COL19A1: variants seen among roughly 807,000 people sequenced by gnomAD.
COL19A1 encodes collagen alpha-1(XIX) chain.
Under a neutral mutation model 190.2 loss-of-function variants are expected in COL19A1, and 159 were observed. The ratio of observed to expected loss-of-function variants is 0.84; its 90% CI spans 0.73 to 0.95. The LOEUF (loss-of-function observed/expected upper bound fraction) is 0.95. Among genes scored for constraint, COL19A1 ranks in the 40% least tolerant of loss-of-function variants. The pLI is 0.00. For missense variants in COL19A1, 1,418 were observed against 1,431.9 expected, an observed-to-expected ratio of 0.99 and a Z score of 0.16; for synonymous variants, 509 against 458.9, an observed-to-expected ratio of 1.11 and a Z score of -1.39.
At chr6:70,124,795 AT>A (rs1785095829) in intron 17 of COL19A1, among the ~76,000 whole-genome samples, 2 of 152,192 alleles carry the variant, frequency 1.3e-5, no homozygotes, top group Admixed American at 1.3e-4. Flanking sequence ...ATGATGCACT[AT>A]AACCATTTAG....
intron 16 of COL19A1, among the ~76,000 whole-genome samples, chr6:70,107,005 A>G (rs1582926651): frequency 1.3e-5 from 2 of 152,206 alleles, no homozygotes; most frequent in East Asian, 3.9e-4. Flanking sequence ...TAAGTACTGT[A>G]TTTCCAGTGT....
At chr6:70,127,906 G>T (rs1396708510) in intron 17 of COL19A1, among the ~76,000 whole-genome samples, 2 of 152,282 alleles carry the variant, frequency 1.3e-5, no homozygotes, top group East Asian at 3.9e-4. Context: ...GTGGTATTGA[G>T]AATGACACTC....
chr6:70,136,637 A>G (rs1193497004), intron 18 of COL19A1, among the ~76,000 whole-genome samples: 1 of 152,198 alleles, frequency 6.6e-6, no homozygotes, highest in Non-Finnish European at 1.5e-5. Flanking sequence ...TATAAACTGA[A>G]AATATAAATA....
chr6:70,008,163 G>A (rs994240271), intron 11 of COL19A1, among the ~76,000 whole-genome samples: 5 of 151,596 alleles, frequency 3.3e-5, no homozygotes, highest in Admixed American at 6.6e-5. Flanking sequence ...GTATGTAGAA[G>A]GCAGGAACAA....
chr6:70,106,106 G>A (rs1232675336), intron 16 of COL19A1, among the ~76,000 whole-genome samples: 1 of 152,092 alleles, frequency 6.6e-6, no homozygotes, highest in African/African-American at 2.4e-5. Flanking sequence ...ACATAGTGTT[G>A]TTATTCGGGG....
intron 15 of COL19A1, among the ~76,000 whole-genome samples, chr6:70,099,950 C>T (rs997338002): frequency 3.9e-5 from 6 of 152,194 alleles, no homozygotes; most frequent in Admixed American, 3.9e-4. Flanking sequence ...CTCACCATAT[C>T]CTGAATCTTG....
chr6:69,937,031 T>C, intron 8 of COL19A1, 121 bp downstream of exon 8: 6 of 1,311,160 alleles, frequency 4.6e-6, no homozygotes, highest in Non-Finnish European at 5.2e-6. Context: ...AGTAAATACC[T>C]CAGTTACTGG....
chr6:69,938,531 T>C (rs569692086), intron 9 of COL19A1, among the ~76,000 whole-genome samples: 6 of 152,114 alleles, frequency 3.9e-5, no homozygotes, highest in Non-Finnish European at 8.8e-5. Context: ...TTGAATACTT[T>C]CTGTGTATGA....
At chr6:70,080,877 T>A (rs1782206134) in intron 15 of COL19A1, among the ~76,000 whole-genome samples, 1 of 152,234 alleles carries the variant, frequency 6.6e-6, no homozygotes, top group Non-Finnish European at 1.5e-5. Flanking sequence ...TATACTCTAC[T>A]GGTAACTTAC....
At chr6:70,004,856 G>A (rs9354903) in intron 11 of COL19A1, among the ~76,000 whole-genome samples, 4 of 148,838 alleles carry the variant, frequency 2.7e-5, no homozygotes, top group African/African-American at 1.0e-4. Context: ...TTTTGACGGA[G>A]TCTTGCTCTG....
At chr6:69,962,277 T>C (rs1366465405) in intron 10 of COL19A1, among the ~76,000 whole-genome samples, 1 of 152,160 alleles carries the variant, frequency 6.6e-6, no homozygotes, top group African/African-American at 2.4e-5. Context: ...CCACCAATCT[T>C]CTTTCTGTGA....
At chr6:70,025,156 G>A (rs1039990009) in intron 12 of COL19A1, among the ~76,000 whole-genome samples, 6 of 151,428 alleles carry the variant, frequency 4.0e-5, no homozygotes, top group Admixed American at 1.3e-4. Context: ...TCAGCCTTCC[G>A]AGTAGCTGGG....
At chr6:69,942,265 AT>A (rs1251901687) in intron 9 of COL19A1, among the ~76,000 whole-genome samples, 1 of 152,174 alleles carries the variant, frequency 6.6e-6, no homozygotes, top group East Asian at 1.9e-4. Flanking sequence ...AATTATACGT[AT>A]TTATGGAGTA....
chr6:70,104,428 C>G lies in COL19A1; in HGVS notation c.1278+2206C>G, dbSNP rs113147374. ...AGCGGGAAGTGCACTTTTAAGCAACCTAATCTCGTGAGAACTCACTCACAA... is the reference window on the plus strand; with the variant it reads ...AGCGGGAAGTGCACTTTTAAGCAACGTAATCTCGTGAGAACTCACTCACAA... On this transcript the variant is annotated intron_variant, in intron 16 of 50. Transcript: ENST00000620364. Among the ~76,000 whole-genome samples the G allele has an allele frequency of 1.5e-3, 221 of 152,184 alleles. 3 individuals carry two copies. Among genetic ancestry groups the G allele is most frequent in the African/African-American group, 5.2e-3 (214 of 41,530 alleles).
At position 70,156,245 on chromosome 6, in the gene COL19A1, C is replaced by A; in HGVS notation, c.2184+14C>A. The A allele has an allele frequency of 6.2e-7, 1 of 1,613,086 alleles. No individual in the cohort carries two copies. The highest frequency in any genetic ancestry group is 8.5e-7 in the Non-Finnish European group (1 of 1,179,414). On this transcript the variant is annotated intron_variant, in intron 32 of 50. Transcript: ENST00000620364. ...ATGGCCCGGAAGGTGAGAAGCCTGG[C>A]TGAATGTTTACGATCCCTGTGGGTT...
chr6:70,082,506 G>A (rs1195010514), intron 15 of COL19A1, among the ~76,000 whole-genome samples: 3 of 151,970 alleles, frequency 2.0e-5, no homozygotes, highest in African/African-American at 4.8e-5. Flanking sequence ...TCCACCTCCC[G>A]GGTTCAAGCG....
intron 19 of COL19A1, among the ~76,000 whole-genome samples, chr6:70,139,174 A>T (rs1562210791): frequency 6.6e-6 from 1 of 152,066 alleles, no homozygotes; most frequent in Non-Finnish European, 1.5e-5. Flanking sequence ...CTTGAATCCC[A>T]CTGATTCTAA....
intron 14 of COL19A1, among the ~76,000 whole-genome samples, chr6:70,051,707 C>T (rs1780211449): frequency 6.6e-6 from 1 of 151,774 alleles, no homozygotes; most frequent in African/African-American, 2.4e-5. Context: ...GCACAAAAGC[C>T]TCATGGAAAG....
rs115447497 is a variant in COL19A1 at position 69,915,238 on chromosome 6, C to A, written c.267-12671C>A. Among the ~76,000 whole-genome samples the A allele has an allele frequency of 7.4e-3, 1,128 of 152,284 alleles. 17 individuals carry two copies. Among genetic ancestry groups the A allele is most frequent in the African/African-American group, 0.025 (1,046 of 41,568 alleles). ...GAGCTTCATTATTGTCTTTAAGTTT[C>A]TTGACAACAACCCACCAGGGCCTAG... On this transcript the variant is annotated intron_variant, in intron 4 of 50. Coordinates refer to ENST00000620364, the MANE Select transcript of COL19A1 (RefSeq NM_001858.6).
Sources: gnomAD v4.1 joint callset for allele counts (sites outside exome capture counted in the v4.1 genomes callset) on GRCh38, gnomAD v4.1.1 for gene constraint, MANE v1.5 for transcripts, NCBI Gene and HGNC (gene_info 2026-07-23, HGNC 2026-07-21) for gene names.